The following PCDHA1 variants were observed in gnomAD, a reference collection of about 807,000 sequenced individuals.
PCDHA1 encodes the protein protocadherin alpha 1.
A neutral mutation model predicts 61.3 loss-of-function variants in PCDHA1; 42 were observed. The ratio of observed to expected loss-of-function variants is 0.69; its 90% confidence interval spans 0.54 to 0.89. The LOEUF (loss-of-function observed/expected upper bound fraction) is 0.89. Ranked by LOEUF, PCDHA1 falls within the 40% of genes least tolerant of loss-of-function variation. The pLI is 0.00. For missense variants in PCDHA1, 1,256 were observed against 1,235.3 expected (o/e 1.02, Z -0.25); for synonymous variants, 610 against 553.8 (o/e 1.10, Z -1.43).
At chr5:140,860,393 A>C (rs1463611060) in intron 1 of PCDHA1, 1 of 152,136 alleles carries the variant, frequency 6.6e-6, no homozygotes, top group Non-Finnish European at 1.5e-5. Flanking sequence ...AAATTGAAAA[A>C]AGCAAAAGCA....
intron 1 of PCDHA1, among the ~76,000 whole-genome samples, chr5:140,911,977 T>G (rs1554195068): frequency 1.3e-5 from 2 of 152,180 alleles, no homozygotes; most frequent in African/African-American, 4.8e-5. Context: ...TTAACTCACA[T>G]GATCACAAGG....
intron 1 of PCDHA1, chr5:140,863,299 G>T (rs868935823): frequency 1.4e-6 from 2 of 1,462,780 alleles, no homozygotes; most frequent in Non-Finnish European, 9.3e-7. Flanking sequence ...CCTGATCATC[G>T]CCATCTGCGT....
intron 1 of PCDHA1, chr5:140,869,970 A>G: frequency 3.7e-6 from 6 of 1,613,166 alleles, no homozygotes; most frequent in Non-Finnish European, 5.1e-6. Context: ...CCAATGGAAG[A>G]CACTTATTTA....
chr5:140,802,694 G>C (rs782659406), intron 1 of PCDHA1: 3 of 1,612,738 alleles, frequency 1.9e-6, no homozygotes, highest in South Asian at 1.1e-5. Context: ...AACGGCGGGT[G>C]GGGGAGCGCG....
intron 1 of PCDHA1, chr5:140,801,663 G>A (rs782405787): frequency 3.1e-6 from 5 of 1,614,020 alleles, no homozygotes; most frequent in Middle Eastern, 1.6e-4. Context: ...TTCGCTAGAG[G>A]GCGCATCAGA....
intron 1 of PCDHA1, chr5:140,862,565 A>G: frequency 2.1e-6 from 1 of 478,016 alleles, no homozygotes; most frequent in Non-Finnish European, 4.3e-6. Context: ...GTGAACCACA[A>G]TGCCCTGGCG....
intron 1 of PCDHA1, among the ~76,000 whole-genome samples, chr5:140,881,006 G>A (rs2058554707): frequency 6.6e-6 from 1 of 152,172 alleles, no homozygotes; most frequent in South Asian, 2.1e-4. Flanking sequence ...GGAGAGCAGA[G>A]CTATGGAAAT....
In PCDHA1 at chr5:140,852,619, G is replaced by C. The variant is rs147501708; in HGVS notation, c.2394+63935G>C. On this transcript the variant is annotated intron_variant, in intron 1 of 3. Transcript: ENST00000504120. ...TGTCATTTTCTTTCAAAACTTGAGT[G>C]GTCTCTGAGCTCCTGTCATTAAACC... The C allele has an allele frequency of 3.4e-4, 315 of 937,802 alleles. 5 individuals carry two copies. The East Asian group carries it at 0.027, about 79-fold the overall frequency. The allele number at this position is 937,802 out of a possible 1,614,324, so 58.1% of individuals were successfully genotyped here.
intron 1 of PCDHA1, 180 bp downstream of exon 1, chr5:140,788,864 A>C (rs1761499736): frequency 7.4e-7 from 1 of 1,351,554 alleles, no homozygotes; most frequent in African/African-American, 1.5e-5. Context: ...ACTAGAAAGC[A>C]AAGAAAAATG....
chr5:140,869,522 T>A, intron 1 of PCDHA1: 1 of 1,614,172 alleles, frequency 6.2e-7, no homozygotes, highest in Non-Finnish European at 8.5e-7. Context: ...GAACAAAAGC[T>A]GCTGATTGCG....
At chr5:140,988,489 C>G (rs1197670303) in intron 3 of PCDHA1, among the ~76,000 whole-genome samples, 4 of 152,134 alleles carry the variant, frequency 2.6e-5, no homozygotes, top group Non-Finnish European at 5.9e-5. Flanking sequence ...CATCCCCTAC[C>G]TAGGAGAAGC....
intron 1 of PCDHA1, chr5:140,804,998 A>T (rs1284261830): frequency 2.0e-6 from 3 of 1,532,070 alleles, no homozygotes; most frequent in Non-Finnish European, 8.7e-7. Flanking sequence ...TATTTTAAAA[A>T]TTTAGTTCTG....
At chr5:140,829,255 G>C (rs2150164788) in intron 1 of PCDHA1, 10 of 1,614,172 alleles carry the variant, frequency 6.2e-6, no homozygotes, top group South Asian at 4.4e-5. Context: ...TGAACTGCTC[G>C]CTGACGCCTC....
chr5:140,796,983 C>T (rs1017442866), intron 1 of PCDHA1: 2 of 1,613,770 alleles, frequency 1.2e-6, no homozygotes, highest in African/African-American at 1.3e-5. Flanking sequence ...TGGAAAGTGG[C>T]CAGGCACCCA....
At position 141,010,163 on chromosome 5, in the gene PCDHA1, C is replaced by T; in HGVS notation, c.*226C>T. Reference sequence around the variant, plus strand: ...CTTTCTCTCCACTCTGGCTTGTTTTCAGAACCTAAAAAGCAGACCCAAGTT... The same window carrying T: ...CTTTCTCTCCACTCTGGCTTGTTTTTAGAACCTAAAAAGCAGACCCAAGTT... On this transcript the variant is annotated 3_prime_UTR_variant, in exon 4 of 4. Transcript: ENST00000504120. 1 of 1,565,826 alleles carries T rather than the reference C, an allele frequency of 6.4e-7. No homozygotes were observed. The highest frequency in any genetic ancestry group is 8.7e-7 in the Non-Finnish European group (1 of 1,154,220).
intron 3 of PCDHA1, among the ~76,000 whole-genome samples, chr5:140,999,070 T>A (rs930538088): frequency 6.1e-4 from 93 of 152,328 alleles, no homozygotes; most frequent in African/African-American, 2.1e-3. Context: ...GTAGTCTCCT[T>A]CACTTCCTCC....
At chr5:140,981,077 G>C (rs1178580802) in intron 2 of PCDHA1, among the ~76,000 whole-genome samples, 1 of 152,168 alleles carries the variant, frequency 6.6e-6, no homozygotes, top group Non-Finnish European at 1.5e-5. Flanking sequence ...GGGAAGAATA[G>C]TAAAAGGTCA....
intron 1 of PCDHA1, chr5:140,813,234 G>C (rs1010931679): frequency 6.6e-6 from 1 of 152,092 alleles, no homozygotes; most frequent in Admixed American, 6.6e-5. Context: ...TTGAAAGTAG[G>C]ATACCAAAAT....
In PCDHA1 at chr5:140,787,572, C is replaced by G; in HGVS notation, c.1282C>G (p.Arg428Gly). Residue 428 changes from arginine to glycine, a missense_variant, in exon 1 of 4, where the codon CGG becomes GGG. Transcript: ENST00000504120. ...GGTCTATGAGCTGGTGGTGACCGCG[C>G]GGGACGGGGGCTCGCCTTCGCTGTG... ...LSVYELVVTARDGGSPSLWAT... is the reference protein window; with the variant it reads ...LSVYELVVTAGDGGSPSLWAT... 6.2e-7 allele frequency: 1 copy of G among 1,614,190 alleles called. No homozygotes were observed. Among genetic ancestry groups the G allele is most frequent in the Non-Finnish European group, 8.5e-7 (1 of 1,180,030 alleles).
Sources: allele counts gnomAD v4.1 joint callset (sites outside exome capture counted in the v4.1 genomes callset), GRCh38; gene constraint gnomAD v4.1.1; transcripts MANE v1.5; gene names NCBI Gene and HGNC (gene_info 2026-07-23, HGNC 2026-07-21).